Variants in DAP observed in about 807,000 individuals in gnomAD.
The protein encoded by DAP is death-associated protein 1.
In DAP, 8 loss-of-function variants were observed where a neutral mutation model predicts 13.8. The ratio of observed to expected loss-of-function variants is 0.58; its 90% CI spans 0.34 to 1.05. The LOEUF (loss-of-function observed/expected upper bound fraction) is 1.05, where lower values mean the gene tolerates loss of function less well. Among genes scored for constraint, DAP ranks in the 50% least tolerant of loss-of-function variants. DAP has a pLI of 0.03. For missense variants in DAP, 106 were observed against 133.2 expected (o/e 0.80, Z 1.01); for synonymous variants, 47 against 47.5 (o/e 0.99, Z 0.04).
At chr5:10,744,716 C>T (rs574602759) in intron 2 of DAP, among the ~76,000 whole-genome samples, 2 of 152,204 alleles carry the variant, frequency 1.3e-5, no homozygotes, top group East Asian at 1.9e-4. Context: ...TTGCTTTCTT[C>T]GTCTCTATAA....
At chr5:10,733,633 GGATA>G (rs765926212) in intron 2 of DAP, 6 of 152,108 alleles carry the variant, frequency 3.9e-5, no homozygotes, top group Non-Finnish European at 7.4e-5. Flanking sequence ...CTGCCTTAGG[GGATA>G]TGCACTATAA....
At chr5:10,709,346 G>A (rs1049018585) in intron 2 of DAP, among the ~76,000 whole-genome samples, 1 of 152,218 alleles carries the variant, frequency 6.6e-6, no homozygotes, top group Non-Finnish European at 1.5e-5. Flanking sequence ...TGCTGCAGCC[G>A]TGGAGCTCAC....
chr5:10,683,282 C>T (rs1198065197), intron 3 of DAP: 11 of 572,044 alleles, frequency 1.9e-5, no homozygotes, highest in Admixed American at 1.8e-4. Flanking sequence ...GGGAGGTCTG[C>T]GCTTAAGTCA....
At chr5:10,697,287 G>C (rs967438774) in intron 2 of DAP, among the ~76,000 whole-genome samples, 2 of 152,224 alleles carry the variant, frequency 1.3e-5, no homozygotes, top group Non-Finnish European at 2.9e-5. Flanking sequence ...TTACAAGACA[G>C]ATGCGCGGCT....
In DAP at chr5:10,753,384, G is replaced by A. The variant is rs780463991; in HGVS notation, c.56-5113C>T. On this transcript the variant is annotated intron_variant, in intron 1 of 3. Transcript: ENST00000230895. ...GCTTCTGAGAGTAACTCAAAGGAAC[G>A]GCCTACAGACAGGGCCAGGTTATTA... is the stretch of plus-strand genomic sequence containing the variant. Among the ~76,000 whole-genome samples the A allele has an allele frequency of 3.3e-5, 5 of 152,218 alleles. No individual in the cohort carries two copies. The East Asian group carries it at 7.7e-4, about 23-fold the overall frequency.
chr5:10,726,949 A>T (rs1290412613), intron 2 of DAP, among the ~76,000 whole-genome samples: 4 of 152,176 alleles, frequency 2.6e-5, no homozygotes, highest in Non-Finnish European at 5.9e-5. Flanking sequence ...CCCCAGAATT[A>T]GGGAACGCTG....
intron 2 of DAP, among the ~76,000 whole-genome samples, chr5:10,709,855 T>G (rs543686321): frequency 6.6e-6 from 1 of 152,304 alleles, no homozygotes; most frequent in South Asian, 2.1e-4. Flanking sequence ...CAGCCCTTCT[T>G]GTATTCTTTA....
intron 2 of DAP, among the ~76,000 whole-genome samples, chr5:10,735,257 T>C (rs1289345732): frequency 6.6e-6 from 1 of 152,150 alleles, no homozygotes. Flanking sequence ...AGGGAAGCGC[T>C]CCTGCCTGTC....
At chr5:10,704,943 T>C (rs1738663637) in intron 2 of DAP, among the ~76,000 whole-genome samples, 1 of 152,194 alleles carries the variant, frequency 6.6e-6, no homozygotes. Flanking sequence ...TGGCTAGCTC[T>C]GGTCTTCCTA....
intron 2 of DAP, among the ~76,000 whole-genome samples, chr5:10,720,150 T>C (rs1739100953): frequency 6.6e-6 from 1 of 152,212 alleles, no homozygotes; most frequent in African/African-American, 2.4e-5. Context: ...ATTGACTTTA[T>C]ACATAATACC....
rs116321512 is a variant in DAP, at chr5:10,723,026, G to A, written c.152+25149C>T. Among the ~76,000 whole-genome samples the A allele has an allele frequency of 4.1e-3, 623 of 152,342 alleles. 6 individuals carry two copies. Among genetic ancestry groups the A allele is most frequent in the African/African-American group, 0.014 (598 of 41,570 alleles). Reference sequence around the variant, plus strand: ...CAAAGTCCAGCCATTAGAAGGGACAGCCATCTTTCAGAGTCATGTCCCTTG... The same window carrying A: ...CAAAGTCCAGCCATTAGAAGGGACAACCATCTTTCAGAGTCATGTCCCTTG... On this transcript the variant is annotated intron_variant, in intron 2 of 3. Coordinates refer to ENST00000230895, the MANE Select transcript of DAP (RefSeq NM_004394.3).
chr5:10,760,475 T>TG (rs889880756), intron 1 of DAP, among the ~76,000 whole-genome samples: 3 of 151,106 alleles, frequency 2.0e-5, no homozygotes, highest in South Asian at 2.1e-4. Context: ...AAAGCAACTT[T>TG]GGGGGAAAAA....
chr5:10,739,257 T>C (rs1579815420), intron 2 of DAP, among the ~76,000 whole-genome samples: 1 of 132,814 alleles, frequency 7.5e-6, no homozygotes, highest in Non-Finnish European at 1.6e-5. Context: ...GCAGCAAGTG[T>C]GGTGAAATTT....
At chr5:10,684,620 C>T (rs1484494479) in intron 2 of DAP, among the ~76,000 whole-genome samples, 1 of 152,198 alleles carries the variant, frequency 6.6e-6, no homozygotes. Flanking sequence ...TAACTTTTTT[C>T]TTACAAAAAT....
chr5:10,748,785 C>T (rs1306051463), intron 1 of DAP, among the ~76,000 whole-genome samples: 4 of 152,216 alleles, frequency 2.6e-5, no homozygotes, highest in Admixed American at 1.3e-4. Flanking sequence ...TGCTGTGAAA[C>T]CCTACCGCTG....
At chr5:10,739,818 CA>C (rs1739712891) in intron 2 of DAP, among the ~76,000 whole-genome samples, 1 of 147,632 alleles carries the variant, frequency 6.8e-6, no homozygotes, top group African/African-American at 2.6e-5. Flanking sequence ...CACACACACA[CA>C]CGAATGGGTT....
intron 2 of DAP, among the ~76,000 whole-genome samples, chr5:10,718,570 T>A (rs868452101): frequency 1.3e-5 from 2 of 152,188 alleles, no homozygotes; most frequent in Non-Finnish European, 2.9e-5. Flanking sequence ...TCCCATGACA[T>A]CCCTGTTCAA....
intron 2 of DAP, among the ~76,000 whole-genome samples, chr5:10,739,737 T>A (rs1739708497): frequency 6.6e-6 from 1 of 151,744 alleles, no homozygotes; most frequent in Non-Finnish European, 1.5e-5. Flanking sequence ...GAATCTAACT[T>A]AAGCAGCAAT....
chr5:10,731,858 C>T (rs1739469476), intron 2 of DAP, among the ~76,000 whole-genome samples: 1 of 152,222 alleles, frequency 6.6e-6, no homozygotes, highest in Admixed American at 6.5e-5. Flanking sequence ...CAACCCTCTG[C>T]CAGCCTGTGG....
Sources: gnomAD v4.1 joint callset for allele counts (sites outside exome capture counted in the v4.1 genomes callset) on GRCh38, gnomAD v4.1.1 for gene constraint, MANE v1.5 for transcripts, NCBI Gene and HGNC (gene_info 2026-07-23, HGNC 2026-07-21) for gene names.